The following HERC4 variants were observed in gnomAD, a reference collection of about 807,000 sequenced individuals.
The protein encoded by HERC4 is HECT and RLD domain containing E3 ubiquitin protein ligase 4.
HERC4 carries 28 observed loss-of-function variants against 124.3 expected under a neutral mutation model. The ratio of observed to expected loss-of-function variants is 0.23; its 90% CI spans 0.17 to 0.31. The LOEUF (loss-of-function observed/expected upper bound fraction) is 0.31. HERC4 is among the 10% of genes least tolerant of loss of function. HERC4 has a pLI of 1.00. For missense variants in HERC4, 713 were observed against 1,229.3 expected (o/e 0.58, Z 6.28); for synonymous variants, 407 against 421.5 (o/e 0.97, Z 0.42).
chr10:67,952,816 C>T (rs929562859), intron 19 of HERC4, among the ~76,000 whole-genome samples: 3 of 151,490 alleles, frequency 2.0e-5, no homozygotes, highest in Non-Finnish European at 4.4e-5. Context: ...AGGAGAATGG[C>T]ATGAACCTGG....
rs574606432 is a variant in HERC4, at chr10:67,979,729, C to G, written c.1806+8934G>C. On this transcript the variant is annotated intron_variant, in intron 15 of 24. Coordinates refer to ENST00000373700, the MANE Select transcript of HERC4 (RefSeq NM_015601.4). ...AAAACAAGAGCTGGGCGCAGTAGCT[C>G]ACACCTATAATCCCAGCTAACACGG... 2.9e-4 allele frequency among the ~76,000 whole-genome samples: 44 copies of G among 152,242 alleles called. 2 individuals are homozygous for G. The South Asian group carries it at 9.1e-3, about 32-fold the overall frequency.
chr10:67,957,508 G>A (rs2034218329), intron 16 of HERC4, among the ~76,000 whole-genome samples: 1 of 152,106 alleles, frequency 6.6e-6, no homozygotes, highest in South Asian at 2.1e-4. Flanking sequence ...AAAGTTACGA[G>A]AACTGATCTA....
rs1292238932 is a variant in HERC4, at chr10:67,992,084, A to G, written c.1271+115T>C. The G allele has an allele frequency of 3.3e-6, 3 of 899,296 alleles. No individual in the cohort carries two copies. In the African/African-American group the frequency reaches 5.0e-5, roughly 15 times the overall value. The allele number at this position is 899,296 out of a possible 1,614,324, so 55.7% of individuals were successfully genotyped here. ...CAGCTAATTGTATTTTTTTGTAGAG[A>G]CAGGGTTTTGCCATGTTGCCCAGGC... On this transcript the variant is annotated intron_variant, in intron 11 of 24. Transcript: ENST00000373700.
At chr10:68,039,665 T>C in intron 4 of HERC4, 1 of 1,361,992 alleles carries the variant, frequency 7.3e-7, no homozygotes, top group Non-Finnish European at 9.5e-7. Context: ...CTTCAAATTT[T>C]CAAACTCAAC....
chr10:68,023,252 C>A (rs1159270735), intron 8 of HERC4, among the ~76,000 whole-genome samples: 3 of 152,046 alleles, frequency 2.0e-5, no homozygotes, highest in Non-Finnish European at 4.4e-5. Flanking sequence ...ATGTTCATAG[C>A]AACAATATTC....
At chr10:68,057,498 C>T (rs2040607944) in intron 3 of HERC4, among the ~76,000 whole-genome samples, 1 of 151,628 alleles carries the variant, frequency 6.6e-6, no homozygotes. Context: ...GTGGCAGGCG[C>T]CTATAATCCC....
chr10:68,037,082 C>T (rs1336238341), intron 5 of HERC4, among the ~76,000 whole-genome samples: 1 of 145,638 alleles, frequency 6.9e-6, no homozygotes, highest in African/African-American at 2.6e-5. Context: ...CAAATGGAAC[C>T]TATTTCTTCT....
At chr10:68,006,130 A>G (rs2037531178) in intron 9 of HERC4, among the ~76,000 whole-genome samples, 1 of 152,122 alleles carries the variant, frequency 6.6e-6, no homozygotes, top group African/African-American at 2.4e-5. Flanking sequence ...ATTATATTGT[A>G]TATGTCTTTA....
chr10:68,016,249 T>G (rs2038259229), intron 8 of HERC4, among the ~76,000 whole-genome samples: 1 of 152,248 alleles, frequency 6.6e-6, no homozygotes, highest in African/African-American at 2.4e-5. Context: ...CTTTTTCTTT[T>G]GGATCGTCTA....
At chr10:67,982,805 T>C (rs2036010462) in intron 15 of HERC4, among the ~76,000 whole-genome samples, 1 of 151,966 alleles carries the variant, frequency 6.6e-6, no homozygotes, top group African/African-American at 2.4e-5. Flanking sequence ...AAGAGCTGAA[T>C]AGACATTCCT....
intron 19 of HERC4, among the ~76,000 whole-genome samples, chr10:67,946,998 G>C (rs533733160): frequency 6.6e-6 from 1 of 152,300 alleles, no homozygotes; most frequent in Admixed American, 6.5e-5. Flanking sequence ...GCTAAAGAGA[G>C]AGAGAGAGAC....
At chr10:68,020,509 G>A (rs897787837) in intron 8 of HERC4, among the ~76,000 whole-genome samples, 1 of 152,084 alleles carries the variant, frequency 6.6e-6, no homozygotes, top group Admixed American at 6.6e-5. Context: ...GCTCACGCCT[G>A]TAATCCCAGC....
intron 3 of HERC4, among the ~76,000 whole-genome samples, chr10:68,054,884 A>T (rs2040476515): frequency 1.3e-5 from 2 of 152,144 alleles, no homozygotes; most frequent in Non-Finnish European, 2.9e-5. Flanking sequence ...ACAAAGTGCA[A>T]CTATTGTTTA....
intron 9 of HERC4, chr10:68,010,241 G>A: frequency 9.6e-7 from 1 of 1,037,782 alleles, no homozygotes; most frequent in Non-Finnish European, 1.4e-6. Flanking sequence ...AGTGGCGACA[G>A]AAACAGGGGG....
intron 3 of HERC4, among the ~76,000 whole-genome samples, chr10:68,071,950 T>C (rs1347931425): frequency 6.6e-6 from 1 of 152,206 alleles, no homozygotes; most frequent in Non-Finnish European, 1.5e-5. Flanking sequence ...CTTAATTTAA[T>C]GCCTGAATAT....
At chr10:67,986,971 C>T (rs1411494473) in intron 15 of HERC4, among the ~76,000 whole-genome samples, 1 of 152,022 alleles carries the variant, frequency 6.6e-6, no homozygotes, top group Non-Finnish European at 1.5e-5. Context: ...TTTTTCCAGT[C>T]TATGAAAAGG....
intron 1 of HERC4, chr10:68,074,580 C>A (rs1381922744): frequency 1.3e-5 from 2 of 152,172 alleles, no homozygotes; most frequent in Non-Finnish European, 1.5e-5. Flanking sequence ...GCAGTTTAGT[C>A]CCGTCTTTCC....
intron 16 of HERC4, among the ~76,000 whole-genome samples, chr10:67,964,321 T>C (rs979369224): frequency 6.6e-6 from 1 of 152,140 alleles, no homozygotes; most frequent in Non-Finnish European, 1.5e-5. Context: ...TAAATTTTGG[T>C]TTCCAAGACT....
Position 67,927,985 on chromosome 10 carries a change from T to A in HERC4, c.2839-2798A>T, listed in dbSNP as rs530248095. ...ACAGGATACGTGTGCAGGAGAGAGG[T>A]TTGCAATTTTAGATCAGTTATCCAG... On this transcript the variant is annotated intron_variant, in intron 23 of 24. Transcript: ENST00000373700. 8.6e-5 allele frequency among the ~76,000 whole-genome samples: 13 copies of A among 151,548 alleles called. No individual in the cohort carries two copies. The South Asian group carries it at 2.5e-3, about 29-fold the overall frequency.
Sources: allele counts gnomAD v4.1 joint callset (sites outside exome capture counted in the v4.1 genomes callset), GRCh38; gene constraint gnomAD v4.1.1; transcripts MANE v1.5; gene names NCBI Gene and HGNC (gene_info 2026-07-23, HGNC 2026-07-21).